The following ACSM3 variants were observed in gnomAD, a reference collection of about 807,000 sequenced individuals.
ACSM3 encodes the protein acyl-coenzyme A synthetase ACSM3, mitochondrial.
ACSM3 carries 61 observed loss-of-function variants against 74.1 expected under a neutral mutation model. The observed-to-expected ratio is 0.82, with a 90% CI of 0.67 to 1.02. The LOEUF (loss-of-function observed/expected upper bound fraction) is 1.02. Among genes scored for constraint, ACSM3 ranks in the 50% least tolerant of loss-of-function variants. ACSM3 has a pLI of 0.00. For synonymous variants in ACSM3, 213 were observed against 241.5 expected, an observed-to-expected ratio of 0.88 and a Z score of 1.09; for missense variants, 660 against 697.0, an observed-to-expected ratio of 0.95 and a Z score of 0.60.
At chr16:20,738,878 T>C in intron 1 of ACSM3, 1 of 1,612,254 alleles carries the variant, frequency 6.2e-7, no homozygotes, top group Middle Eastern at 1.7e-4. Flanking sequence ...TCGATAATCT[T>C]AGCAAGTATT....
chr16:20,765,307 G>C (rs2080113937), intron 1 of ACSM3, among the ~76,000 whole-genome samples: 2 of 152,200 alleles, frequency 1.3e-5, no homozygotes, highest in African/African-American at 2.4e-5. Context: ...TAAGATCGAT[G>C]AAAAGGGAGG....
At chr16:20,767,042 T>A (rs1366239310) in intron 1 of ACSM3, among the ~76,000 whole-genome samples, 1 of 152,124 alleles carries the variant, frequency 6.6e-6, no homozygotes, top group African/African-American at 2.4e-5. Context: ...AGATATTTTT[T>A]TTTCCCTCTG....
intron 13 of ACSM3, 83 bp downstream of exon 13, chr16:20,796,572 T>C: frequency 6.3e-7 from 1 of 1,583,696 alleles, no homozygotes; most frequent in Non-Finnish European, 8.5e-7. Flanking sequence ...ATGAATATTT[T>C]CTTCACACAT....
At chr16:20,695,127 G>A (rs528485736) in intron 1 of ACSM3, among the ~76,000 whole-genome samples, 2 of 151,720 alleles carry the variant, frequency 1.3e-5, no homozygotes, top group South Asian at 2.1e-4. Flanking sequence ...TTTAATCTTC[G>A]TCACATGAGA....
chr16:20,793,252 T>G (rs997684732), intron 12 of ACSM3, among the ~76,000 whole-genome samples: 6 of 152,094 alleles, frequency 3.9e-5, no homozygotes, highest in African/African-American at 1.4e-4. Flanking sequence ...GTGGATCACC[T>G]GAGGTCAGGA....
chr16:20,723,602 T>C lies in ACSM3; in HGVS notation c.-189-26308T>C, dbSNP rs1445521759. On this transcript the variant is annotated intron_variant, in intron 1 of 3. Coordinates refer to the ACSM3 transcript ENST00000561584. Reference sequence around the variant, plus strand: ...TAACTGGTGTGAGATGGTATCTCATTGTGGTTTTGATTTGCAGTTCTCTGA... The same window carrying C: ...TAACTGGTGTGAGATGGTATCTCATCGTGGTTTTGATTTGCAGTTCTCTGA... 3.3e-5 allele frequency among the ~76,000 whole-genome samples: 5 copies of C among 152,182 alleles called. No homozygotes were observed. The East Asian group carries it at 7.7e-4, about 23-fold the overall frequency.
At chr16:20,748,411 C>T (rs1013800614) in intron 1 of ACSM3, among the ~76,000 whole-genome samples, 2 of 152,104 alleles carry the variant, frequency 1.3e-5, no homozygotes, top group African/African-American at 2.4e-5. Context: ...AATACTGAGT[C>T]CACCACATTG....
intron 1 of ACSM3, among the ~76,000 whole-genome samples, chr16:20,726,581 T>C (rs1273050106): frequency 2.0e-5 from 3 of 152,220 alleles, no homozygotes; most frequent in African/African-American, 4.8e-5. Flanking sequence ...TCTGGTTCAT[T>C]TGGGGCCTCA....
rs372556564 is a variant in ACSM3, at chr16:20,685,414, C to A, written c.-190+10592C>A. 1.2e-5 allele frequency: 19 copies of A among 1,611,874 alleles called. No individual in the cohort carries two copies. In the Admixed American group the frequency reaches 3.2e-4, roughly 27 times the overall value. On this transcript the variant is annotated intron_variant, in intron 1 of 3. Transcript: ENST00000561584. ...ACCTCTCTTGCCCTCCTGGTCAAGA[C>A]CATATATTATGTGTTATTTTCTGCT...
intron 1 of ACSM3, among the ~76,000 whole-genome samples, chr16:20,739,887 A>G (rs960861138): frequency 2.0e-5 from 3 of 152,062 alleles, no homozygotes; most frequent in Non-Finnish European, 4.4e-5. Flanking sequence ...AGAATGTAAA[A>G]TTTGAAAATG....
At position 20,717,918 on chromosome 16, in the gene ACSM3, GAA is replaced by G. The variant is rs2079768650; in HGVS notation, c.-189-31991_-189-31990del. On this transcript the variant is annotated intron_variant, in intron 1 of 3. Coordinates refer to the ACSM3 transcript ENST00000561584. ...AGGAGAAGGAGGAAAAAAAGAAGAA[GAA>G]GGAGGAGAAGGAGAAGGAGAAGAGG... Among the ~76,000 whole-genome samples, 6 of 136,580 alleles carry G rather than the reference GAA, an allele frequency of 4.4e-5. No homozygotes were observed. In the South Asian group the frequency reaches 1.5e-3, roughly 34 times the overall value. 89.6% of individuals were successfully genotyped at this position (136,580 alleles called of 152,430 possible).
chr16:20,684,914 A>C (rs2079518714), intron 1 of ACSM3, among the ~76,000 whole-genome samples: 1 of 152,164 alleles, frequency 6.6e-6, no homozygotes, highest in South Asian at 2.1e-4. Flanking sequence ...TGAATGTGAG[A>C]GTGTGAGGGA....
At position 20,780,998 on chromosome 16, in the gene ACSM3, A is replaced by G; in HGVS notation, c.807A>G (p.Ser269=). The G allele has an allele frequency of 3.1e-6, 5 of 1,614,186 alleles. No individual in the cohort carries two copies. The highest frequency in any genetic ancestry group is 4.2e-6 in the Non-Finnish European group (5 of 1,180,024). ...GGTTCTGGCTAGATTTGACACCCTC[A>G]GATGTGATGTGGAATACCTCAGATA... is the stretch of plus-strand genomic sequence containing the variant. ...NGRFWLDLTP[S]DVMWNTSDTG... The change falls in exon 6 of 14, where the codon TCA becomes TCG. Residue 269 remains serine (S), a synonymous_variant. Transcript: ENST00000289416.
rs147662918 is a variant in ACSM3, at chr16:20,777,488, C to T, written c.546C>T (p.Asp182=). 74 of 1,613,904 alleles carry T rather than the reference C, an allele frequency of 4.6e-5. No homozygotes were observed. The highest frequency in any genetic ancestry group is 2.9e-4 in the African/African-American group (22 of 74,876). ...ATGATGTTTTAGCCCCAGCAGTAGACGCTGTTGCATCCAAATGTGAAAATC... is the reference window on the plus strand; with the variant it reads ...ATGATGTTTTAGCCCCAGCAGTAGATGCTGTTGCATCCAAATGTGAAAATC... ...ITNDVLAPAV[D]AVASKCENLH... The change falls in exon 4 of 14, where the codon GAC becomes GAT. Residue 182 remains aspartate, a synonymous_variant. Coordinates refer to ENST00000289416, the MANE Select transcript of ACSM3 (RefSeq NM_005622.4).
intron 1 of ACSM3, chr16:20,741,868 T>G (rs1304020328): frequency 4.6e-5 from 71 of 1,535,172 alleles, no homozygotes; most frequent in Non-Finnish European, 5.8e-5. Flanking sequence ...GAAGCCTCAT[T>G]CCGTGCTGCG....
chr16:20,741,893 C>T (rs141591505), intron 1 of ACSM3: 2 of 1,534,560 alleles, frequency 1.3e-6, no homozygotes, highest in Non-Finnish European at 1.7e-6. Flanking sequence ...GTCCTAAGGC[C>T]GGTCTGCAAT....
At chr16:20,683,819 C>T (rs1190021397) in intron 1 of ACSM3, among the ~76,000 whole-genome samples, 2 of 151,462 alleles carry the variant, frequency 1.3e-5, no homozygotes. Flanking sequence ...CCACCCACCT[C>T]AGCCTCCCAA....
intron 1 of ACSM3, among the ~76,000 whole-genome samples, chr16:20,715,421 T>C (rs910459852): frequency 3.9e-5 from 6 of 152,124 alleles, no homozygotes; most frequent in Non-Finnish European, 7.4e-5. Flanking sequence ...CTGGCCGACA[T>C]GGTGAAACCC....
chr16:20,740,914 A>G (rs3785080), intron 1 of ACSM3, among the ~76,000 whole-genome samples: 94,058 of 152,064 alleles, frequency 0.62, 30,234 homozygotes, highest in Non-Finnish European at 0.72. Flanking sequence ...GCTGTCATGA[A>G]AAATGTGTTT....
Sources: gnomAD v4.1 joint callset for allele counts (sites outside exome capture counted in the v4.1 genomes callset) on GRCh38, gnomAD v4.1.1 for gene constraint, MANE v1.5 for transcripts, NCBI Gene and HGNC (gene_info 2026-07-23, HGNC 2026-07-21) for gene names.